SLC4A10: variants seen among roughly 807,000 people sequenced by gnomAD.
SLC4A10 encodes solute carrier family 4 member 10, also known as sodium-driven chloride bicarbonate exchanger.
SLC4A10 carries 42 observed loss-of-function variants against 137.7 expected under a neutral mutation model. The ratio of observed to expected loss-of-function variants is 0.30; its 90% CI spans 0.24 to 0.39. The LOEUF (loss-of-function observed/expected upper bound fraction) is 0.39. SLC4A10 is among the 10% of genes least tolerant of loss of function. SLC4A10 has a pLI of 1.00. For missense variants in SLC4A10, 925 were observed against 1,355.0 expected, an observed-to-expected ratio of 0.68 and a Z score of 4.98; for synonymous variants, 474 against 464.1, an observed-to-expected ratio of 1.02 and a Z score of -0.27.
intron 3 of SLC4A10, 124 bp from the exon 4 acceptor site, chr2:161,839,665 C>A: frequency 1.0e-6 from 1 of 962,502 alleles, no homozygotes; most frequent in Non-Finnish European, 1.5e-6. Flanking sequence ...CAGTGGGGAG[C>A]AGGGGAGGTG....
At chr2:161,786,667 T>C (rs1229642867) in intron 2 of SLC4A10, among the ~76,000 whole-genome samples, 2 of 151,854 alleles carry the variant, frequency 1.3e-5, no homozygotes, top group African/African-American at 2.4e-5. Flanking sequence ...TGAAATTTTG[T>C]TCCAATCATA....
intron 6 of SLC4A10, among the ~76,000 whole-genome samples, chr2:161,871,096 C>T (rs775123720): frequency 4.0e-5 from 6 of 151,686 alleles, no homozygotes; most frequent in South Asian, 4.1e-4. Flanking sequence ...TTGGTAATTT[C>T]TAGGTAACAA....
intron 2 of SLC4A10, among the ~76,000 whole-genome samples, chr2:161,776,473 A>T (rs2052349131): frequency 6.6e-6 from 1 of 151,878 alleles, no homozygotes. Flanking sequence ...TCTTTTCATG[A>T]CTGACATATT....
chr2:161,770,048 A>G (rs1392958000), intron 1 of SLC4A10, among the ~76,000 whole-genome samples: 1 of 151,942 alleles, frequency 6.6e-6, no homozygotes, highest in Non-Finnish European at 1.5e-5. Flanking sequence ...CCTTTTTTCT[A>G]CTAGTCATAT....
rs189174581 is a variant in SLC4A10 at position 161,941,269 on chromosome 2, A to G, written c.1998-1523A>G. Among the ~76,000 whole-genome samples, 4 of 152,272 alleles carry G rather than the reference A, an allele frequency of 2.6e-5. No homozygotes were observed. The East Asian group carries it at 7.7e-4, about 29-fold the overall frequency. The stretch of plus-strand genomic sequence containing the variant: ...ACTGAAAAAGTAGCAAAATCTACTG[A>G]GGAGAGCTTTATTTCTAAAAGGGAG... On this transcript the variant is annotated intron_variant, in intron 15 of 26. Coordinates refer to ENST00000446997, the MANE Select transcript of SLC4A10 (RefSeq NM_001178015.2).
At chr2:161,888,547 T>C (rs539626507) in intron 10 of SLC4A10, among the ~76,000 whole-genome samples, 2 of 152,304 alleles carry the variant, frequency 1.3e-5, no homozygotes, top group Admixed American at 1.3e-4. Flanking sequence ...TTTATTCTCT[T>C]TGTAGCAATT....
chr2:161,716,831 A>T (rs1323392696), intron 1 of SLC4A10, among the ~76,000 whole-genome samples: 1 of 152,010 alleles, frequency 6.6e-6, no homozygotes, highest in Non-Finnish European at 1.5e-5. Flanking sequence ...TTTTTTTTCT[A>T]ATTCTGTGAA....
At chr2:161,839,705 G>A in intron 3 of SLC4A10, 84 bp from the exon 4 acceptor site, 1 of 1,496,724 alleles carries the variant, frequency 6.7e-7, no homozygotes, top group Admixed American at 1.8e-5. Flanking sequence ...GCTTGGGGTG[G>A]TGCTGAAGGC....
chr2:161,744,001 T>C (rs2125262033), intron 1 of SLC4A10, among the ~76,000 whole-genome samples: 1 of 152,306 alleles, frequency 6.6e-6, no homozygotes, highest in Non-Finnish European at 1.5e-5. Context: ...CTTTCCTGAA[T>C]TTTTTAAATC....
At chr2:161,881,421 A>C (rs1409537025) in intron 9 of SLC4A10, among the ~76,000 whole-genome samples, 1 of 152,044 alleles carries the variant, frequency 6.6e-6, no homozygotes, top group African/African-American at 2.4e-5. Flanking sequence ...CACACAAAAA[A>C]TATTGTCATA....
At chr2:161,974,499 A>G (rs1281229307) in intron 24 of SLC4A10, among the ~76,000 whole-genome samples, 183 bp downstream of exon 24, 1 of 152,200 alleles carries the variant, frequency 6.6e-6, no homozygotes, top group African/African-American at 2.4e-5. Flanking sequence ...CCGTGTGACT[A>G]TAATCAAATT....
At chr2:161,885,311 A>T (rs773719178) in intron 10 of SLC4A10, among the ~76,000 whole-genome samples, 1 of 152,204 alleles carries the variant, frequency 6.6e-6, no homozygotes, top group Non-Finnish European at 1.5e-5. Context: ...ATTGGAGTGC[A>T]TTATCAAACA....
intron 15 of SLC4A10, 103 bp from the exon 16 acceptor site, chr2:161,942,689 G>A (rs1692935086): frequency 4.8e-5 from 40 of 825,642 alleles, no homozygotes; most frequent in Non-Finnish European, 7.7e-5. Context: ...CTGTCAAATA[G>A]AGGAATGCTG....
intron 1 of SLC4A10, among the ~76,000 whole-genome samples, chr2:161,748,626 T>C (rs944202604): frequency 6.6e-6 from 1 of 152,124 alleles, no homozygotes; most frequent in African/African-American, 2.4e-5. Context: ...TTACACTCTG[T>C]TCCATTGATA....
intron 3 of SLC4A10, among the ~76,000 whole-genome samples, chr2:161,815,696 C>A (rs1445664297): frequency 6.6e-6 from 1 of 152,090 alleles, no homozygotes; most frequent in Non-Finnish European, 1.5e-5. Context: ...TTTAATTAAT[C>A]TTGGGTGTTT....
chr2:161,876,678 T>A (rs1428547665), intron 8 of SLC4A10, among the ~76,000 whole-genome samples: 1 of 152,180 alleles, frequency 6.6e-6, no homozygotes, highest in Admixed American at 6.6e-5. Context: ...AAGGAGACCC[T>A]GTCTCAAAAA....
chr2:161,651,099 C>T (rs1364399404), intron 1 of SLC4A10: 3 of 152,686 alleles, frequency 2.0e-5, no homozygotes, highest in Non-Finnish European at 2.9e-5. Context: ...CCTTCTGAGC[C>T]CATAACCCCA....
At chr2:161,689,431 AT>A (rs1459336442) in intron 1 of SLC4A10, among the ~76,000 whole-genome samples, 5 of 152,190 alleles carry the variant, frequency 3.3e-5, no homozygotes, top group African/African-American at 1.2e-4. Flanking sequence ...TTACCATTGT[AT>A]TACAATTGCA....
chr2:161,664,661 T>G (rs2038837621), intron 1 of SLC4A10, among the ~76,000 whole-genome samples: 1 of 151,526 alleles, frequency 6.6e-6, no homozygotes, highest in African/African-American at 2.4e-5. Context: ...AATGAAAATA[T>G]TTATGGAAAA....
Sources: allele counts gnomAD v4.1 joint callset (sites outside exome capture counted in the v4.1 genomes callset), GRCh38; gene constraint gnomAD v4.1.1; transcripts MANE v1.5; gene names NCBI Gene and HGNC (gene_info 2026-07-23, HGNC 2026-07-21).